The following NRG3 variants were observed in gnomAD, a reference collection of about 807,000 sequenced individuals.
NRG3 encodes the protein neuregulin 3.
Under a neutral mutation model 66.9 loss-of-function variants are expected in NRG3, and 31 were observed. The ratio of observed to expected loss-of-function variants is 0.46; its 90% CI spans 0.35 to 0.63. The LOEUF is 0.63. Ranked by LOEUF, NRG3 falls within the 20% of genes least tolerant of loss-of-function variation. NRG3 has a pLI of 0.00. For missense variants in NRG3, 910 were observed against 878.9 expected (o/e 1.04, Z -0.45); for synonymous variants, 393 against 359.4 (o/e 1.09, Z -1.06).
intron 1 of NRG3, among the ~76,000 whole-genome samples, chr10:82,105,740 C>A (rs910016630): frequency 6.6e-6 from 1 of 151,876 alleles, no homozygotes; most frequent in African/African-American, 2.4e-5. Flanking sequence ...AATTACATGT[C>A]AATATGAAAA....
At chr10:82,589,467 A>G (rs2046860715) in intron 2 of NRG3, among the ~76,000 whole-genome samples, 1 of 152,182 alleles carries the variant, frequency 6.6e-6, no homozygotes. Flanking sequence ...GATTCTCATA[A>G]TGAGTCTATT....
intron 1 of NRG3, among the ~76,000 whole-genome samples, chr10:82,357,794 G>A (rs1454939675): frequency 6.6e-6 from 1 of 152,172 alleles, no homozygotes; most frequent in Non-Finnish European, 1.5e-5. Flanking sequence ...ATTAAAACAA[G>A]AGCGGTTAAT....
intron 2 of NRG3, among the ~76,000 whole-genome samples, chr10:82,404,978 T>C (rs1330878819): frequency 6.6e-6 from 1 of 152,120 alleles, no homozygotes; most frequent in Non-Finnish European, 1.5e-5. Context: ...ATCCAACCGC[T>C]TAAGTCCCTG....
intron 1 of NRG3, among the ~76,000 whole-genome samples, chr10:82,083,056 A>T (rs2065485015): frequency 6.6e-6 from 1 of 151,810 alleles, no homozygotes; most frequent in South Asian, 2.1e-4. Context: ...TCCTCCCTCC[A>T]TAGCCTCCCA....
chr10:82,121,535 G>A (rs1367985903), intron 1 of NRG3, among the ~76,000 whole-genome samples: 2 of 152,062 alleles, frequency 1.3e-5, no homozygotes, highest in Non-Finnish European at 2.9e-5. Flanking sequence ...TTAGGATTGC[G>A]TGTCCTCTGG....
At chr10:82,174,164 T>C (rs545469148) in intron 1 of NRG3, among the ~76,000 whole-genome samples, 1 of 152,200 alleles carries the variant, frequency 6.6e-6, no homozygotes, top group Non-Finnish European at 1.5e-5. Context: ...TAGAGTTCAT[T>C]GAGTCCATTT....
intron 3 of NRG3, among the ~76,000 whole-genome samples, chr10:82,817,933 TGAAGG>T (rs1395888386): frequency 6.6e-6 from 1 of 152,200 alleles, no homozygotes; most frequent in East Asian, 1.9e-4. Flanking sequence ...ATAAGTGTGA[TGAAGG>T]GAAGGTTCTT....
intron 1 of NRG3, among the ~76,000 whole-genome samples, chr10:82,277,248 A>C (rs946326941): frequency 3.9e-5 from 6 of 152,060 alleles, no homozygotes; most frequent in Admixed American, 3.9e-4. Flanking sequence ...CTTTAATCTT[A>C]AATAATCATT....
At chr10:82,761,920 T>TTC (rs1306040986) in intron 3 of NRG3, among the ~76,000 whole-genome samples, 1 of 116,220 alleles carries the variant, frequency 8.6e-6, no homozygotes, top group African/African-American at 3.3e-5. Flanking sequence ...CTTTCTTTCT[T>TTC]TCTCTTTCTT....
rs192437597 is a variant in NRG3, at chr10:82,530,294, A to G, written c.953+171426A>G. Among the ~76,000 whole-genome samples, 7 of 152,240 alleles carry G rather than the reference A, an allele frequency of 4.6e-5. No homozygotes were observed. The East Asian group carries it at 1.3e-3, about 29-fold the overall frequency. On this transcript the variant is annotated intron_variant, in intron 2 of 8. Transcript: ENST00000372141. ...TAGTAACAATAGCCTGTGTACAAACATAATTCATAACTGGGTCCAAAAAGC... is the reference window on the plus strand; with the variant it reads ...TAGTAACAATAGCCTGTGTACAAACGTAATTCATAACTGGGTCCAAAAAGC...
chr10:82,522,128 C>T (rs906171151), intron 2 of NRG3, among the ~76,000 whole-genome samples: 1 of 150,792 alleles, frequency 6.6e-6, no homozygotes. Flanking sequence ...ACTGCAACCT[C>T]CACCCACCGG....
chr10:82,695,967 G>A (rs2055350186), intron 2 of NRG3, among the ~76,000 whole-genome samples: 1 of 152,110 alleles, frequency 6.6e-6, no homozygotes, highest in Non-Finnish European at 1.5e-5. Flanking sequence ...GAAAAAGGAT[G>A]TACTAAATCA....
chr10:82,170,019 T>C (rs1172660178), intron 1 of NRG3, among the ~76,000 whole-genome samples: 4 of 151,398 alleles, frequency 2.6e-5, no homozygotes, highest in African/African-American at 9.7e-5. Context: ...GATAGACCAC[T>C]GATCTATGGA....
At chr10:81,995,448 C>T (rs1482981702) in intron 1 of NRG3, among the ~76,000 whole-genome samples, 1 of 152,152 alleles carries the variant, frequency 6.6e-6, no homozygotes, top group East Asian at 1.9e-4. Context: ...ATGCATCTCT[C>T]CACTGTGTTT....
At chr10:81,924,476 A>G (rs1478111013) in intron 1 of NRG3, among the ~76,000 whole-genome samples, 1 of 152,142 alleles carries the variant, frequency 6.6e-6, no homozygotes, top group African/African-American at 2.4e-5. Context: ...TCTTCCCCCT[A>G]AAGATCACAG....
intron 2 of NRG3, among the ~76,000 whole-genome samples, chr10:82,728,930 T>C (rs1303113650): frequency 1.3e-5 from 2 of 152,162 alleles, no homozygotes; most frequent in African/African-American, 2.4e-5. Context: ...AGCATCTAAA[T>C]CTACCTAAAT....
chr10:82,830,014 C>T (rs1267477564), intron 3 of NRG3, among the ~76,000 whole-genome samples: 1 of 152,132 alleles, frequency 6.6e-6, no homozygotes, highest in Non-Finnish European at 1.5e-5. Flanking sequence ...CATCAGAGAG[C>T]TGAGTTCCGT....
At chr10:82,146,106 T>C (rs1001615120) in intron 1 of NRG3, among the ~76,000 whole-genome samples, 1 of 152,194 alleles carries the variant, frequency 6.6e-6, no homozygotes, top group Admixed American at 6.5e-5. Context: ...CAGCATCTGA[T>C]TCAGAAAAAG....
At chr10:82,971,157 G>A (rs1490919810) in intron 6 of NRG3, among the ~76,000 whole-genome samples, 1 of 151,880 alleles carries the variant, frequency 6.6e-6, no homozygotes, top group Non-Finnish European at 1.5e-5. Flanking sequence ...ATTACTGCAG[G>A]GAGGATACAA....
Sources: allele counts gnomAD v4.1 joint callset (sites outside exome capture counted in the v4.1 genomes callset), GRCh38; gene constraint gnomAD v4.1.1; transcripts MANE v1.5; gene names NCBI Gene and HGNC (gene_info 2026-07-23, HGNC 2026-07-21).